Variants in NIN observed in about 807,000 individuals in gnomAD.
NIN encodes ninein.
NIN carries 137 observed loss-of-function variants against 257.6 expected under a neutral mutation model. The observed-to-expected ratio is 0.53, with a 90% CI of 0.46 to 0.61. NIN has a LOEUF of 0.61. NIN is among the 20% of genes least tolerant of loss of function. The pLI, the probability that NIN is intolerant of heterozygous loss-of-function variation, is 0.00. For synonymous variants in NIN, 918 were observed against 919.8 expected (o/e 1.00, Z 0.04); for missense variants, 2,439 against 2,501.2 (o/e 0.98, Z 0.53).
intron 3 of NIN, among the ~76,000 whole-genome samples, chr14:50,815,950 G>A (rs911051757): frequency 1.3e-5 from 2 of 152,148 alleles, no homozygotes; most frequent in East Asian, 3.8e-4. Context: ...AGGTTGCAGT[G>A]AGCTGAGATT....
At chr14:50,786,395 G>A (rs1385722482) in intron 5 of NIN, among the ~76,000 whole-genome samples, 1 of 152,078 alleles carries the variant, frequency 6.6e-6, no homozygotes. Flanking sequence ...GGAAGGAGGT[G>A]GGGGTGGGGT....
At position 50,792,669 on chromosome 14, in the gene NIN, C is replaced by T. The variant is rs199604393; in HGVS notation, c.435+43G>A. 1.4e-4 allele frequency: 230 copies of T among 1,610,724 alleles called. No homozygotes were observed. The African/African-American group carries it at 2.6e-3, about 18-fold the overall frequency. On this transcript the variant is annotated intron_variant, in intron 5 of 30. Coordinates refer to ENST00000530997, the MANE Select transcript of NIN (RefSeq NM_020921.4). ...CTCTGTGCTGCACTGACGTGGGGCT[C>T]CACACTCATGATCCAGATGAACGTG...
intron 18 of NIN, among the ~76,000 whole-genome samples, chr14:50,755,257 G>A (rs1366673458): frequency 1.3e-5 from 2 of 152,124 alleles, no homozygotes; most frequent in Non-Finnish European, 2.9e-5. Context: ...TATTAGCTTA[G>A]TTTTAGGCCC....
At chr14:50,750,052 T>C (rs1368170287) in intron 21 of NIN, among the ~76,000 whole-genome samples, 2 of 152,200 alleles carry the variant, frequency 1.3e-5, no homozygotes, top group African/African-American at 4.8e-5. Context: ...TATACTATCA[T>C]TTATTTTGGT....
chr14:50,757,860 TC>T lies in NIN; in HGVS notation c.3169del (p.Glu1057SerfsTer12). On this transcript the variant is annotated frameshift_variant, in exon 18 of 31. Coordinates refer to ENST00000530997, the MANE Select transcript of NIN (RefSeq NM_020921.4). LOFTEE classifies it high-confidence loss of function. Reference sequence around the variant, plus strand: ...GTCCCCATTTTCTTCCAACAGCTGCTCCCCTTGCTGAAGCAGGGACAGGGCT... The same window carrying T: ...GTCCCCATTTTCTTCCAACAGCTGCTCCCTTGCTGAAGCAGGGACAGGGCT... ...DGALSLLQQG[E>X]QLLEENGDVL... 2 of 1,613,936 alleles carry T rather than the reference TC, an allele frequency of 1.2e-6. No homozygotes were observed. Among genetic ancestry groups the T allele is most frequent in the Non-Finnish European group, 1.7e-6 (2 of 1,180,004 alleles).
At chr14:50,772,039 AAC>A in intron 9 of NIN, 7 of 357,126 alleles carry the variant, frequency 2.0e-5, no homozygotes, top group African/African-American at 2.1e-5. Flanking sequence ...CAACAACAAC[AAC>A]ACTATCTGGC....
chr14:50,791,807 GCA>G (rs373370758), intron 5 of NIN, among the ~76,000 whole-genome samples: 139 of 116,768 alleles, frequency 1.2e-3, no homozygotes, highest in African/African-American at 6.0e-3. Context: ...AGGTGCACGC[GCA>G]CACACACACA....
intron 2 of NIN, among the ~76,000 whole-genome samples, chr14:50,824,939 T>C (rs1331184376): frequency 6.6e-6 from 1 of 152,252 alleles, no homozygotes; most frequent in African/African-American, 2.4e-5. Context: ...TTTAATTCAA[T>C]AGGCTAGTAA....
intron 3 of NIN, among the ~76,000 whole-genome samples, chr14:50,819,241 T>C (rs193245410): frequency 3.2e-4 from 48 of 152,330 alleles, no homozygotes; most frequent in African/African-American, 1.1e-3. Context: ...AATGGAAAAC[T>C]GTAGTTTACA....
chr14:50,765,063 T>TAAAA lies in NIN; in HGVS notation c.1636-1103_1636-1100dup, dbSNP rs781699626. 5.1e-3 allele frequency among the ~76,000 whole-genome samples: 422 copies of TAAAA among 82,068 alleles called. 9 individuals carry two copies. Among genetic ancestry groups the TAAAA allele is most frequent in the African/African-American group, 0.019 (404 of 21,290 alleles). The allele number at this position is 82,068 out of a possible 152,430, so 53.8% of individuals were successfully genotyped here. Reference sequence around the variant, plus strand: ...AACATGGTGAAACCCTGTCTCTACTTAAAAAAAAAAAAAAAAAAAAAAAAA... The same window carrying TAAAA: ...AACATGGTGAAACCCTGTCTCTACTTAAAAAAAAAAAAAAAAAAAAAAAAAAAAA... On this transcript the variant is annotated intron_variant, in intron 14 of 30. Transcript: ENST00000530997.
At chr14:50,810,017 G>A (rs1377774071) in intron 3 of NIN, among the ~76,000 whole-genome samples, 1 of 152,050 alleles carries the variant, frequency 6.6e-6, no homozygotes, top group Non-Finnish European at 1.5e-5. Context: ...GGATCACGAG[G>A]TCAGGAGATC....
At chr14:50,726,495 A>T (rs2984272) in intron 29 of NIN, 53,844 of 155,556 alleles carry the variant, frequency 0.35, 11,672 homozygotes, top group African/African-American at 0.61. Context: ...TCCTAACATA[A>T]CCAATCAGCT....
In NIN at chr14:50,729,715, G is replaced by T. The variant is rs1232909598; in HGVS notation, c.5886C>A (p.His1962Gln). 8.7e-6 allele frequency: 14 copies of T among 1,600,666 alleles called. No homozygotes were observed. Among genetic ancestry groups the T allele is most frequent in the Non-Finnish European group, 1.2e-5 (14 of 1,173,004 alleles). Residue 1962 changes from histidine (H) to glutamine (Q), a missense_variant, in exon 29 of 31, where the codon CAC becomes CAA. Physicochemically the swap from His to Gln is conservative, Grantham distance 24. This residue lies in a region of NIN where 2,043 missense variants were observed against 2,050.2 expected (regional missense o/e 1.00). Coordinates refer to ENST00000530997, the MANE Select transcript of NIN (RefSeq NM_020921.4). ...GGCTAGGCGTCGCAGTGGACCTCAG[G>T]TGCTGCATCTGAAGGACAAGGGCAA... is the stretch of plus-strand genomic sequence containing the variant. ...KLDEQLMEMQ[H>Q]LRSTATPSPS... is the part of the protein sequence containing the mutation.
chr14:50,809,499 G>A (rs956794209), intron 3 of NIN, among the ~76,000 whole-genome samples: 1 of 152,180 alleles, frequency 6.6e-6, no homozygotes, highest in South Asian at 2.1e-4. Flanking sequence ...GTTACAAGTT[G>A]AACATGAAGA....
At chr14:50,799,789 C>T (rs1418886279) in intron 4 of NIN, among the ~76,000 whole-genome samples, 1 of 152,178 alleles carries the variant, frequency 6.6e-6, no homozygotes, top group Non-Finnish European at 1.5e-5. Flanking sequence ...GCCTGGCTAA[C>T]ATGGCGAAAC....
chr14:50,760,543 G>A (rs2042237324), intron 16 of NIN, among the ~76,000 whole-genome samples, 184 bp from the exon 17 acceptor site: 1 of 150,470 alleles, frequency 6.6e-6, no homozygotes, highest in African/African-American at 2.4e-5. Context: ...GTCAGGCATG[G>A]TTTACATATC....
rs2040397696 is a variant in NIN, at chr14:50,726,061, G to C, written c.6084C>G (p.Asn2028Lys). The C allele has an allele frequency of 6.2e-7, 1 of 1,611,374 alleles. No individual in the cohort carries two copies. Among genetic ancestry groups the C allele is most frequent in the African/African-American group, 1.3e-5 (1 of 74,830 alleles). Residue 2028 changes from asparagine to lysine, a missense_variant, in exon 30 of 31, where the codon AAC (asparagine) becomes AAG (lysine). Coordinates refer to ENST00000530997, the MANE Select transcript of NIN (RefSeq NM_020921.4). Reference sequence around the variant, plus strand: ...CCATGACAGTTACCAGTTGTTCCTGGTTTCCCTGAAGGGAAGAAAAGTATA... The same window carrying C: ...CCATGACAGTTACCAGTTGTTCCTGCTTTCCCTGAAGGGAAGAAAAGTATA... ...RTSETNTPQG[N>K]QEQLVTVMEE...
intron 3 of NIN, among the ~76,000 whole-genome samples, chr14:50,817,322 C>G (rs957355943): frequency 6.6e-6 from 1 of 152,156 alleles, no homozygotes; most frequent in Non-Finnish European, 1.5e-5. Flanking sequence ...AGTACTTCTC[C>G]ATTTTTCATT....
chr14:50,738,014 TAA>T, intron 27 of NIN, 124 bp downstream of exon 27: 1 of 927,794 alleles, frequency 1.1e-6, no homozygotes, highest in Non-Finnish European at 1.6e-6. Context: ...GATAACAGCA[TAA>T]AGAGATACAT....
Sources: gnomAD v4.1 joint callset for allele counts (sites outside exome capture counted in the v4.1 genomes callset) on GRCh38, gnomAD v4.1.1 for gene constraint, gnomAD v4.1.1 regional missense constraint, MANE v1.5 for transcripts, NCBI Gene and HGNC (gene_info 2026-07-23, HGNC 2026-07-21) for gene names.